The following TRRAP variants were observed in gnomAD, a reference collection of about 807,000 sequenced individuals.
TRRAP encodes the protein transformation/transcription domain-associated protein.
A neutral mutation model predicts 438.8 loss-of-function variants in TRRAP; 41 were observed. That is an observed-to-expected ratio of 0.09 (90% CI 0.07 to 0.12). TRRAP has a LOEUF of 0.12. Ranked by LOEUF, TRRAP falls within the 10% of genes least tolerant of loss-of-function variation. TRRAP has a pLI of 1.00. For missense variants in TRRAP, 3,122 were observed against 5,055.1 expected (o/e 0.62, Z 11.60); for synonymous variants, 1,994 against 1,962.9 (o/e 1.02, Z -0.42).
rs1189139817 is a variant in TRRAP at position 98,893,848 on chromosome 7, A to G, written c.417A>G (p.Leu139=). 2 of 1,613,800 alleles carry G rather than the reference A, an allele frequency of 1.2e-6. No individual in the cohort carries two copies. Among genetic ancestry groups the G allele is most frequent in the Admixed American group, 1.7e-5 (1 of 59,944 alleles). ...TTTGTCTAAGAATAATTATTGAGCT[A>G]CACAAACAGTTCAGGCCACCGATCA... is the stretch of plus-strand genomic sequence containing the variant. ...VLICLRIIIE[L]HKQFRPPITQ... The change falls in exon 6 of 73, where the codon CTA becomes CTG. Residue 139 remains leucine (L), a synonymous_variant. Coordinates refer to ENST00000456197, the MANE Select transcript of TRRAP (RefSeq NM_001375524.1).
At chr7:98,883,267 T>C (rs1361783503) in intron 3 of TRRAP, among the ~76,000 whole-genome samples, 4 of 152,112 alleles carry the variant, frequency 2.6e-5, no homozygotes, top group East Asian at 1.9e-4. Context: ...AATTTCAGTT[T>C]ATTTTTTGTA....
intron 58 of TRRAP, among the ~76,000 whole-genome samples, chr7:98,979,805 A>T (rs1792829865): frequency 6.6e-6 from 1 of 152,192 alleles, no homozygotes; most frequent in Non-Finnish European, 1.5e-5. Context: ...AAACTCAAAT[A>T]TGTGAGTAAA....
intron 53 of TRRAP, among the ~76,000 whole-genome samples, chr7:98,973,241 A>G (rs1487519696): frequency 6.6e-6 from 1 of 152,090 alleles, no homozygotes; most frequent in Non-Finnish European, 1.5e-5. Flanking sequence ...CGGCCTCCCA[A>G]AGTGCTGGGA....
At chr7:98,891,713 T>G (rs1289141958) in intron 4 of TRRAP, among the ~76,000 whole-genome samples, 1 of 150,676 alleles carries the variant, frequency 6.6e-6, no homozygotes, top group Non-Finnish European at 1.5e-5. Flanking sequence ...TTTTTTGTAT[T>G]TTTTTTAGTA....
chr7:99,005,171 G>A lies in TRRAP; in HGVS notation c.10576G>A (p.Ala3526Thr), dbSNP rs1184442190. The A allele has an allele frequency of 4.3e-6, 7 of 1,613,872 alleles. No homozygotes were observed. Among genetic ancestry groups the A allele is most frequent in the Non-Finnish European group, 5.9e-6 (7 of 1,180,052 alleles). Residue 3526 changes from alanine (A) to threonine (T), a missense_variant, in exon 69 of 73, where the codon GCA (alanine) becomes ACA (threonine). Ala to Thr is a moderately conservative substitution (Grantham distance 58). Around this residue, in one of 24 missense-constraint regions of TRRAP, gnomAD observed 95 missense variants for 144.1 expected, o/e 0.66. Transcript: ENST00000456197. The surrounding 1 kb of genome is among the most constrained non-coding windows in gnomAD (Gnocchi z 5.1). Reference sequence around the variant, plus strand: ...AGAGATTGTGCAGAAGCACAACACCGCAGCCCGGCGGCTGTACATCCGGGG... The same window carrying A: ...AGAGATTGTGCAGAAGCACAACACCACAGCCCGGCGGCTGTACATCCGGGG... ...RVEIVQKHNT[A>T]ARRLYIRGHN...
Position 98,976,660 on chromosome 7 carries a change from T to C in TRRAP, c.8137T>C (p.Ser2713Pro), listed in dbSNP as rs1218866965. Residue 2713 changes from serine (S) to proline (P), a missense_variant, in exon 55 of 73, where the codon TCC becomes CCC. Transcript: ENST00000456197. The surrounding 1 kb of genome is among the most constrained non-coding windows in gnomAD (Gnocchi z 4.6). Reference protein sequence around the residue: ...LGKTHNLWFRSTLMLEHQAFE... With the variant: ...LGKTHNLWFRPTLMLEHQAFE... The stretch of plus-strand genomic sequence containing the variant: ...GAAGACACACAACCTCTGGTTCCGG[T>C]CCACGCTGATGTTGGAGCACCAGGC... 6.2e-7 allele frequency: 1 copy of C among 1,614,050 alleles called. No individual in the cohort carries two copies. The highest frequency in any genetic ancestry group is 8.5e-7 in the Non-Finnish European group (1 of 1,180,034).
intron 28 of TRRAP, among the ~76,000 whole-genome samples, chr7:98,936,838 G>A (rs1790579346): frequency 6.6e-6 from 1 of 152,196 alleles, no homozygotes; most frequent in South Asian, 2.1e-4. Context: ...TCAACATGTG[G>A]ATGGAAGACC....
In TRRAP at chr7:98,976,991, T is replaced by G. The variant is rs769247212; in HGVS notation, c.8300T>G (p.Met2767Arg). The change falls in exon 56 of 73, where the codon ATG becomes AGG. Residue 2767 changes from methionine (M) to arginine (R), a missense_variant. Transcript: ENST00000456197. The surrounding 1 kb of genome is among the most constrained non-coding windows in gnomAD (Gnocchi z 4.6). ...ELYSLLQEED[M>R]WAGLWQKRCK... ...TACTCCCTGTTACAAGAGGAAGATATGTGGGCTGGTCTGTGGCAGAAGCGG... is the reference window on the plus strand; with the variant it reads ...TACTCCCTGTTACAAGAGGAAGATAGGTGGGCTGGTCTGTGGCAGAAGCGG... 8.1e-6 allele frequency: 13 copies of G among 1,614,094 alleles called. No individual in the cohort carries two copies. The highest frequency in any genetic ancestry group is 1.1e-5 in the South Asian group (1 of 91,084).
At chr7:98,919,494 C>T (rs62472014) in intron 20 of TRRAP, among the ~76,000 whole-genome samples, 3,399 of 152,292 alleles carry the variant, frequency 0.022, 44 homozygotes, top group Non-Finnish European at 0.035. Flanking sequence ...CCCAGCTACT[C>T]ACGAGTTTGA....
At position 98,965,794 on chromosome 7, in the gene TRRAP, A is replaced by T. The variant is rs1394945938; in HGVS notation, c.7075A>T (p.Thr2359Ser). 5.0e-6 allele frequency: 8 copies of T among 1,614,120 alleles called. No homozygotes were observed. Among genetic ancestry groups the T allele is most frequent in the African/African-American group, 1.3e-5 (1 of 75,024 alleles). The change falls in exon 49 of 73, where the codon ACA (threonine) becomes TCA (serine). Residue 2359 changes from threonine (T) to serine (S), a missense_variant. Thr to Ser is a moderately conservative substitution (Grantham distance 58). Around this residue, in one of 24 missense-constraint regions of TRRAP, gnomAD observed 992 missense variants for 1,281.2 expected, o/e 0.77. Transcript: ENST00000456197. The part of the protein sequence containing the change: ...MRKNFIQAIL[T>S]SLIEKSPDAK... ...GAAGAACTTCATCCAGGCCATCCTGACATCCCTCATCGAAAAATCACCAGA... is the reference window on the plus strand; with the variant it reads ...GAAGAACTTCATCCAGGCCATCCTGTCATCCCTCATCGAAAAATCACCAGA...
chr7:98,892,761 C>T (rs1204743872), intron 5 of TRRAP, among the ~76,000 whole-genome samples: 3 of 152,168 alleles, frequency 2.0e-5, no homozygotes, highest in African/African-American at 7.2e-5. Flanking sequence ...ATAGTAGGTA[C>T]CTTTGAAACA....
chr7:99,010,178 G>A (rs111250207), intron 70 of TRRAP, among the ~76,000 whole-genome samples: 2 of 152,204 alleles, frequency 1.3e-5, no homozygotes, highest in East Asian at 1.9e-4. Flanking sequence ...GAGCCACCAC[G>A]CCCAGCCCAG....
In TRRAP at chr7:99,012,245, A is replaced by G; in HGVS notation, c.11512A>G (p.Asn3838Asp). 1 of 1,614,084 alleles carries G rather than the reference A, an allele frequency of 6.2e-7. No homozygotes were observed. The highest frequency in any genetic ancestry group is 8.5e-7 in the Non-Finnish European group (1 of 1,180,008). Residue 3838 changes from asparagine to aspartate, a missense_variant, in exon 73 of 73, where the codon AAC (asparagine) becomes GAC (aspartate). Transcript: ENST00000456197. The surrounding 1 kb of genome is among the most constrained non-coding windows in gnomAD (Gnocchi z 5.9). ...CACCGCCATCATGACCCGCCTGCAC[A>G]ACCTCGCCCAGTTCGAAGGCGGGGA... The part of the protein sequence containing the change: ...AVTAIMTRLH[N>D]LAQFEGGESK...
chr7:98,926,221 C>T (rs1474003145), intron 22 of TRRAP, among the ~76,000 whole-genome samples: 2 of 152,040 alleles, frequency 1.3e-5, no homozygotes, highest in African/African-American at 4.8e-5. Context: ...AGCAGAGAGA[C>T]ATAATGACTG....
At position 98,956,213 on chromosome 7, in the gene TRRAP, C is replaced by G; in HGVS notation, c.6005C>G (p.Thr2002Arg). 1 of 1,613,706 alleles carries G rather than the reference C, an allele frequency of 6.2e-7. No homozygotes were observed. The highest frequency in any genetic ancestry group is 8.5e-7 in the Non-Finnish European group (1 of 1,180,012). ...MVSAMQRLGF[T>R]PSVTIEQRRL... ...AGCGCCATGCAGAGGCTGGGCTTCA[C>G]GCCCAGTGTCACCATCGAGCAGAGG... Residue 2002 changes from threonine to arginine, a missense_variant, in exon 42 of 73, where the codon ACG becomes AGG. By Grantham distance (71) the Thr-to-Arg change is moderately conservative. This residue lies in a region of TRRAP where 992 missense variants were observed against 1,281.2 expected (regional missense o/e 0.77). Coordinates refer to ENST00000456197, the MANE Select transcript of TRRAP (RefSeq NM_001375524.1). This position sits in a 1 kb window ranked among gnomAD's most constrained non-coding sequence, Gnocchi z 4.5.
At chr7:98,967,865 A>G (rs895934586) in intron 51 of TRRAP, among the ~76,000 whole-genome samples, 167 bp downstream of exon 51, 11 of 152,218 alleles carry the variant, frequency 7.2e-5, no homozygotes, top group Non-Finnish European at 1.5e-4. Flanking sequence ...GCAAGCGTTC[A>G]TCTAAAGCGT....
chr7:99,009,442 A>G (rs1794335573), intron 70 of TRRAP, among the ~76,000 whole-genome samples: 3 of 152,250 alleles, frequency 2.0e-5, no homozygotes, highest in South Asian at 4.1e-4. Flanking sequence ...GGCCCGAGGT[A>G]TTCCAGGCTG....
chr7:98,911,965 C>T, intron 17 of TRRAP, 57 bp from the exon 18 acceptor site: 1 of 1,511,322 alleles, frequency 6.6e-7, no homozygotes. Flanking sequence ...ACTACTTTGT[C>T]TTAAAACTGC....
intron 21 of TRRAP, among the ~76,000 whole-genome samples, chr7:98,923,351 G>A (rs1000470281): frequency 6.6e-6 from 1 of 152,176 alleles, no homozygotes; most frequent in African/African-American, 2.4e-5. Flanking sequence ...GCTCACCATG[G>A]TGCCTGTCAA....
Sources: gnomAD v4.1 joint callset for allele counts (sites outside exome capture counted in the v4.1 genomes callset) on GRCh38, gnomAD v4.1.1 for gene constraint, gnomAD v4.1.1 regional missense constraint, Gnocchi (gnomAD v3.1) non-coding constraint, MANE v1.5 for transcripts, NCBI Gene and HGNC (gene_info 2026-07-23, HGNC 2026-07-21) for gene names.